Variants in IL1RAPL1 observed in about 807,000 individuals in gnomAD.
The protein encoded by IL1RAPL1 is interleukin-1 receptor accessory protein-like 1.
A neutral mutation model predicts 48.4 loss-of-function variants in IL1RAPL1; 3 were observed. That is an observed-to-expected ratio of 0.06 (90% CI 0.03 to 0.16). The LOEUF is 0.16. Among genes scored for constraint, IL1RAPL1 ranks in the 10% least tolerant of loss-of-function variants. IL1RAPL1 has a pLI of 1.00. For missense variants in IL1RAPL1, 349 were observed against 530.6 expected (o/e 0.66, Z 3.36); for synonymous variants, 185 against 187.7 (o/e 0.99, Z 0.12).
intron 6 of IL1RAPL1, among the ~76,000 whole-genome samples, chrX:29,844,737 C>G (rs1299230254): frequency 1.8e-5 from 2 of 111,901 alleles, no homozygotes; most frequent in Non-Finnish European, 3.8e-5. Context: ...ATATCGGGGA[C>G]TTGAGCATCC....
At chrX:28,728,895 A>T (rs986323154) in intron 1 of IL1RAPL1, among the ~76,000 whole-genome samples, 2 of 111,518 alleles carry the variant, frequency 1.8e-5, no homozygotes, top group Non-Finnish European at 1.9e-5. Flanking sequence ...TATTATGGCT[A>T]TTCTAAATAT....
At chrX:28,695,570 A>T (rs139195221) in intron 1 of IL1RAPL1, among the ~76,000 whole-genome samples, 1 of 111,910 alleles carries the variant, frequency 8.9e-6, no homozygotes, top group African/African-American at 3.2e-5. Flanking sequence ...TTTTTTACTT[A>T]GGAGTATAAA....
chrX:28,594,536 A>G (rs374651053), intron 1 of IL1RAPL1, among the ~76,000 whole-genome samples: 2 of 111,690 alleles, frequency 1.8e-5, no homozygotes, highest in African/African-American at 6.5e-5. Flanking sequence ...TAAACAAGGA[A>G]TTTGCAAACC....
At chrX:29,179,394 A>G (rs1431813687) in intron 2 of IL1RAPL1, among the ~76,000 whole-genome samples, 1 of 111,860 alleles carries the variant, frequency 8.9e-6, no homozygotes, top group Non-Finnish European at 1.9e-5. Flanking sequence ...TTGGCAATAA[A>G]AAATCCTTCT....
At chrX:29,040,645 G>GA (rs958500227) in intron 2 of IL1RAPL1, among the ~76,000 whole-genome samples, 1 of 111,763 alleles carries the variant, frequency 8.9e-6, no homozygotes, top group Non-Finnish European at 1.9e-5. Context: ...CTCTAAAAAG[G>GA]AAAAAAATAA....
chrX:28,831,026 CTGTGTGTGTGTGTGTGTGTGTGTGTG>C lies in IL1RAPL1; in HGVS notation c.82+41627_82+41652del, dbSNP rs57923954. On this transcript the variant is annotated intron_variant, in intron 2 of 10. Transcript: ENST00000378993. ...TCTCTCTCTCTCTCTCTCTCTCTCT[CTGTGTGTGTGTGTGTGTGTGTGTGTG>C]TGTGTGTGTGTGTGTGTGTGTGTGT... Among the ~76,000 whole-genome samples, 51 of 33,632 alleles carry C rather than the reference CTGTGTGTGTGTGTGTGTGTGTGTGTG, an allele frequency of 1.5e-3. 4 individuals are homozygous for C. Among genetic ancestry groups the C allele is most frequent in the East Asian group, 0.014 (12 of 859 alleles). The allele number at this position is 33,632 out of a possible 115,157, so 29.2% of individuals were successfully genotyped here.
chrX:29,766,327 CAA>C (rs1220003136), intron 6 of IL1RAPL1, among the ~76,000 whole-genome samples: 4,480 of 25,485 alleles, frequency 0.18, 235 homozygotes, highest in Middle Eastern at 0.5. Flanking sequence ...GACTCCGTCT[CAA>C]AAAAAAAAAA....
intron 1 of IL1RAPL1, among the ~76,000 whole-genome samples, chrX:28,616,771 T>C (rs755616499): frequency 8.9e-6 from 1 of 112,524 alleles, no homozygotes; most frequent in East Asian, 2.8e-4. Context: ...GTATTTTTCA[T>C]AATCCCTTAC....
At chrX:28,757,284 C>G (rs1392293814) in intron 1 of IL1RAPL1, among the ~76,000 whole-genome samples, 1 of 112,522 alleles carries the variant, frequency 8.9e-6, no homozygotes, top group Non-Finnish European at 1.9e-5. Context: ...TGACACAAAA[C>G]AAGAGAAAAC....
chrX:29,492,158 A>G (rs1181639266), intron 5 of IL1RAPL1, among the ~76,000 whole-genome samples: 1 of 112,382 alleles, frequency 8.9e-6, no homozygotes, highest in African/African-American at 3.2e-5. Flanking sequence ...CTTCTGAGTT[A>G]TCTTGTAAGC....
intron 5 of IL1RAPL1, among the ~76,000 whole-genome samples, chrX:29,576,685 G>C (rs1188024174): frequency 9.0e-6 from 1 of 110,520 alleles, no homozygotes; most frequent in Non-Finnish European, 1.9e-5. Context: ...GAAGGTCAGA[G>C]ATTATATTAG....
intron 6 of IL1RAPL1, among the ~76,000 whole-genome samples, chrX:29,869,037 G>A (rs963201543): frequency 8.9e-6 from 1 of 112,176 alleles, no homozygotes; most frequent in African/African-American, 3.2e-5. Flanking sequence ...GGAGAGGATA[G>A]ACAGGAAAGG....
chrX:29,002,659 T>C (rs1168751709), intron 2 of IL1RAPL1, among the ~76,000 whole-genome samples: 1 of 111,810 alleles, frequency 8.9e-6, no homozygotes, highest in Admixed American at 9.5e-5. Flanking sequence ...TTACATATTG[T>C]TGGGAAAATT....
intron 5 of IL1RAPL1, among the ~76,000 whole-genome samples, chrX:29,603,139 G>A (rs1206650476): frequency 5.5e-5 from 6 of 109,542 alleles, no homozygotes; most frequent in East Asian, 2.9e-4. Flanking sequence ...GGTGATGGGC[G>A]CCTGTAATCC....
At chrX:28,837,938 C>T (rs1287556244) in intron 2 of IL1RAPL1, among the ~76,000 whole-genome samples, 3 of 109,573 alleles carry the variant, frequency 2.7e-5, no homozygotes, top group Non-Finnish European at 3.8e-5. Flanking sequence ...AAAATGTTCT[C>T]CCCATACTGT....
intron 2 of IL1RAPL1, among the ~76,000 whole-genome samples, chrX:29,208,591 G>T (rs748789492): frequency 9.2e-6 from 1 of 108,355 alleles, no homozygotes; most frequent in South Asian, 4.1e-4. Flanking sequence ...GGCGCCTGTA[G>T]TCCCAGCTAC....
At chrX:28,814,445 G>C (rs1450267407) in intron 2 of IL1RAPL1, among the ~76,000 whole-genome samples, 1 of 107,238 alleles carries the variant, frequency 9.3e-6, no homozygotes, top group Non-Finnish European at 1.9e-5. Flanking sequence ...GTTTCACTAG[G>C]GAATGGTCCA....
intron 5 of IL1RAPL1, among the ~76,000 whole-genome samples, chrX:29,517,714 AC>A (rs1463795239): frequency 8.9e-6 from 1 of 112,284 alleles, no homozygotes; most frequent in Non-Finnish European, 1.9e-5. Context: ...CAATCACTTG[AC>A]TGTATAGATC....
At chrX:29,639,140 C>T (rs1189990245) in intron 5 of IL1RAPL1, among the ~76,000 whole-genome samples, 1 of 102,607 alleles carries the variant, frequency 9.7e-6, no homozygotes, top group Non-Finnish European at 1.9e-5. Flanking sequence ...GAGCCGAGAT[C>T]GGGCCATTGC....
Sources: allele counts gnomAD v4.1 joint callset (sites outside exome capture counted in the v4.1 genomes callset), GRCh38; gene constraint gnomAD v4.1.1; transcripts MANE v1.5; gene names NCBI Gene and HGNC (gene_info 2026-07-23, HGNC 2026-07-21).